KAT6B: variants seen among roughly 807,000 people sequenced by gnomAD.
KAT6B encodes histone acetyltransferase KAT6B.
Under a neutral mutation model 187.5 loss-of-function variants are expected in KAT6B, and 10 were observed. The observed-to-expected ratio is 0.05, with a 90% CI of 0.03 to 0.09. The LOEUF is 0.09. Ranked by LOEUF, KAT6B falls within the 10% of genes least tolerant of loss-of-function variation. KAT6B has a pLI of 1.00. For missense variants in KAT6B, 1,952 were observed against 2,558.9 expected, an observed-to-expected ratio of 0.76 and a Z score of 5.12; for synonymous variants, 861 against 926.8, an observed-to-expected ratio of 0.93 and a Z score of 1.29.
chr10:74,920,093 A>G (rs1025032282), intron 3 of KAT6B, among the ~76,000 whole-genome samples: 9 of 152,088 alleles, frequency 5.9e-5, no homozygotes, highest in African/African-American at 1.2e-4. Flanking sequence ...GCCTGATTAC[A>G]TCCTGGATGT....
At position 74,975,683 on chromosome 10, in the gene KAT6B, G is replaced by A. The variant is rs768502700; in HGVS notation, c.1346G>A (p.Arg449His). The change falls in exon 8 of 18, where the codon CGC becomes CAC. Residue 449 changes from arginine (R) to histidine (H), a missense_variant. Arg to His is a conservative substitution (Grantham distance 29, BLOSUM62 0). This residue lies in a region of KAT6B where 417 missense variants were observed against 508.9 expected (regional missense o/e 0.82). Coordinates refer to ENST00000287239, the MANE Select transcript of KAT6B (RefSeq NM_012330.4). ...TKFFTPSPDG[R>H]RSRGEIIDFS... ...TTTTTTACACCATCACCTGATGGTCGCAGATCACGAGGTGAAATTATAGAC... is the reference window on the plus strand; with the variant it reads ...TTTTTTACACCATCACCTGATGGTCACAGATCACGAGGTGAAATTATAGAC... The A allele has an allele frequency of 5.0e-6, 8 of 1,614,154 alleles. No homozygotes were observed. The Admixed American group carries it at 6.7e-5, about 13-fold the overall frequency.
At chr10:74,926,038 A>G (rs975482393) in intron 3 of KAT6B, among the ~76,000 whole-genome samples, 1 of 152,236 alleles carries the variant, frequency 6.6e-6, no homozygotes, top group African/African-American at 2.4e-5. Context: ...CTACCTACAT[A>G]AATGCATAGA....
intron 13 of KAT6B, among the ~76,000 whole-genome samples, chr10:75,000,955 G>C (rs1178797057): frequency 1.3e-5 from 2 of 152,252 alleles, no homozygotes; most frequent in South Asian, 2.1e-4. Context: ...AAATGGCCCA[G>C]TTTTGTGCCT....
At chr10:74,972,126 A>G (rs936147698) in intron 6 of KAT6B, among the ~76,000 whole-genome samples, 1 of 152,070 alleles carries the variant, frequency 6.6e-6, no homozygotes, top group Non-Finnish European at 1.5e-5. Flanking sequence ...AGAGATGATA[A>G]GACAATTTTT....
chr10:74,929,762 T>G (rs924511328), intron 3 of KAT6B, among the ~76,000 whole-genome samples: 6 of 152,328 alleles, frequency 3.9e-5, no homozygotes, highest in Admixed American at 3.9e-4. Flanking sequence ...TAATTCTTAC[T>G]TGTGTTTTCA....
chr10:74,969,378 G>A (rs1011830880), intron 4 of KAT6B, among the ~76,000 whole-genome samples: 1 of 152,124 alleles, frequency 6.6e-6, no homozygotes, highest in Non-Finnish European at 1.5e-5. Context: ...CTGAGCCTGT[G>A]TTATCTTCAA....
At chr10:74,974,975 A>G (rs911703519) in intron 7 of KAT6B, among the ~76,000 whole-genome samples, 1 of 152,248 alleles carries the variant, frequency 6.6e-6, no homozygotes, top group African/African-American at 2.4e-5. Context: ...TAGAGATTAG[A>G]TAAGCTTCTT....
intron 13 of KAT6B, among the ~76,000 whole-genome samples, chr10:75,011,777 T>C (rs1305491740): frequency 1.3e-5 from 2 of 152,182 alleles, no homozygotes; most frequent in South Asian, 4.1e-4. Flanking sequence ...CACCATACAC[T>C]CACAAATACT....
intron 13 of KAT6B, among the ~76,000 whole-genome samples, chr10:74,999,105 C>G (rs1843649697): frequency 6.6e-6 from 1 of 152,106 alleles, no homozygotes. Flanking sequence ...ATACTTTTTG[C>G]TGTAACTAAA....
At chr10:74,986,377 A>G (rs1842810613) in intron 12 of KAT6B, among the ~76,000 whole-genome samples, 1 of 152,232 alleles carries the variant, frequency 6.6e-6, no homozygotes, top group African/African-American at 2.4e-5. Flanking sequence ...TCTCTTATTT[A>G]TGATATTTTT....
At chr10:75,027,960 T>G (rs1014089421) in intron 17 of KAT6B, among the ~76,000 whole-genome samples, 5 of 152,194 alleles carry the variant, frequency 3.3e-5, no homozygotes, top group African/African-American at 1.2e-4. Flanking sequence ...CAGCTTATTT[T>G]TATGCCAGAG....
At position 74,955,511 on chromosome 10, in the gene KAT6B, A is replaced by C. The variant is rs183159254; in HGVS notation, c.622-4459A>C. Among the ~76,000 whole-genome samples, 5 of 151,284 alleles carry C rather than the reference A, an allele frequency of 3.3e-5. No individual in the cohort carries two copies. In the East Asian group the frequency reaches 7.8e-4, roughly 24 times the overall value. On this transcript the variant is annotated intron_variant, in intron 3 of 17. Transcript: ENST00000287239. ...TATATGCCTTTTACATAGACTCCCC[A>C]ACTGTTAACATTGTGTCATGTTTAC...
chr10:74,912,668 C>T (rs1429769769), intron 3 of KAT6B, among the ~76,000 whole-genome samples: 1 of 152,126 alleles, frequency 6.6e-6, no homozygotes. Context: ...TATGAGCAGC[C>T]ATATTCAGTT....
intron 4 of KAT6B, among the ~76,000 whole-genome samples, chr10:74,960,942 G>GA (rs748179409): frequency 5.9e-5 from 9 of 152,184 alleles, no homozygotes; most frequent in Non-Finnish European, 1.0e-4. Context: ...TTGGGTAGAA[G>GA]AAATGTTTCA....
chr10:74,968,760 C>G (rs1038321253), intron 4 of KAT6B, among the ~76,000 whole-genome samples: 4 of 151,978 alleles, frequency 2.6e-5, no homozygotes, highest in African/African-American at 9.7e-5. Flanking sequence ...TGATAAAAGA[C>G]CATTAGATTT....
chr10:74,969,974 A>G (rs771056832), intron 5 of KAT6B, 46 bp from the exon 6 acceptor site: 34 of 1,434,242 alleles, frequency 2.4e-5, no homozygotes, highest in Non-Finnish European at 3.3e-5. Flanking sequence ...TTGGCCTTTT[A>G]CAGTTGGTTT....
At position 74,863,378 on chromosome 10, in the gene KAT6B, T is replaced by C. The variant is rs137862195; in HGVS notation, c.621+19900T>C. Among the ~76,000 whole-genome samples, 9 of 152,322 alleles carry C rather than the reference T, an allele frequency of 5.9e-5. 1 individual carries two copies. In the South Asian group the frequency reaches 1.2e-3, roughly 21 times the overall value. ...TATTTATGTCTTTATCCTTCAAAATTTAAGGTGCTCCTAAATCTTCTGCTA... is the reference window on the plus strand; with the variant it reads ...TATTTATGTCTTTATCCTTCAAAATCTAAGGTGCTCCTAAATCTTCTGCTA... On this transcript the variant is annotated intron_variant, in intron 3 of 17. Coordinates refer to ENST00000287239, the MANE Select transcript of KAT6B (RefSeq NM_012330.4).
Position 74,860,866 on chromosome 10 carries a change from A to G in KAT6B, c.621+17388A>G, listed in dbSNP as rs183261726. ...TACAAAAATTAGCTGGGCCAGGCGC[A>G]GTGGCTCACACCTGTAATCCTAGCA... On this transcript the variant is annotated intron_variant, in intron 3 of 17. Coordinates refer to ENST00000287239, the MANE Select transcript of KAT6B (RefSeq NM_012330.4). Among the ~76,000 whole-genome samples, 95 of 152,196 alleles carry G rather than the reference A, an allele frequency of 6.2e-4. 1 individual carries two copies. In the Middle Eastern group the frequency reaches 0.017, roughly 27 times the overall value.
Position 74,955,383 on chromosome 10 carries a change from T to TCCCC in KAT6B, c.622-4578_622-4575dup, listed in dbSNP as rs34174594. ...TTGAGAGTAAAGGGACACAATTTTA[T>TCCCC]CCCCCCCCCCCCAACTTTTTGTTTG... is the stretch of plus-strand genomic sequence containing the variant. On this transcript the variant is annotated intron_variant, in intron 3 of 17. Transcript: ENST00000287239. 1.4e-4 allele frequency among the ~76,000 whole-genome samples: 14 copies of TCCCC among 101,428 alleles called. 1 individual carries two copies. The highest frequency in any genetic ancestry group is 4.2e-4 in the African/African-American group (11 of 25,890). 66.5% of individuals were successfully genotyped at this position (101,428 alleles called of 152,430 possible).
Sources: allele counts gnomAD v4.1 joint callset (sites outside exome capture counted in the v4.1 genomes callset), GRCh38; gene constraint gnomAD v4.1.1; regional missense constraint gnomAD v4.1.1; transcripts MANE v1.5; gene names NCBI Gene and HGNC (gene_info 2026-07-23, HGNC 2026-07-21).